Variants in ABCC2 observed in about 807,000 individuals in gnomAD.
ABCC2 encodes ATP-binding cassette sub-family C member 2.
Under a neutral mutation model 173.4 loss-of-function variants are expected in ABCC2, and 157 were observed. That is an observed-to-expected ratio of 0.91 (90% confidence interval 0.80 to 1.03). The LOEUF is 1.03. ABCC2 is among the 50% of genes least tolerant of loss of function. The pLI, the probability that ABCC2 is intolerant of heterozygous loss-of-function variation, is 0.00. For synonymous variants in ABCC2, 657 were observed against 693.5 expected (o/e 0.95, Z 0.83); for missense variants, 1,822 against 1,852.3 (o/e 0.98, Z 0.30).
At position 99,845,678 on chromosome 10, in the gene ABCC2, T is replaced by C. The variant is rs2039005819; in HGVS notation, c.4042T>C (p.Phe1348Leu). ...AAAGTCATCCCTCACAAACTGCCTC[T>C]TCAGAATCTTAGAGGCTGCCGGTGG... Reference protein sequence around the residue: ...AGKSSLTNCLFRILEAAGGQI... With the variant: ...AGKSSLTNCLLRILEAAGGQI... Residue 1348 changes from phenylalanine (F) to leucine (L), a missense_variant, in exon 29 of 32, where the codon TTC (phenylalanine) becomes CTC (leucine). Physicochemically the swap from Phe to Leu is conservative, Grantham distance 22. Transcript: ENST00000647814. 2 of 1,614,040 alleles carry C rather than the reference T, an allele frequency of 1.2e-6. No homozygotes were observed. The highest frequency in any genetic ancestry group is 2.2e-5 in the South Asian group (2 of 91,054).
In ABCC2 at chr10:99,804,044, G is replaced by A; in HGVS notation, c.1235G>A (p.Arg412Lys). 6.2e-7 allele frequency: 1 copy of A among 1,614,154 alleles called. No homozygotes were observed. ...GCATTGACCCTATCCAACTTGGCCA[G>A]GAAGGAGTACACCGTTGGAGAAACA... The part of the protein sequence containing the change: ...KKALTLSNLA[R>K]KEYTVGETVN... The change falls in exon 10 of 32, where the codon AGG becomes AAG. Residue 412 changes from arginine (R) to lysine (K), a missense_variant. Arg to Lys is a conservative substitution (Grantham distance 26, BLOSUM62 2). Transcript: ENST00000647814.
intron 16 of ABCC2, among the ~76,000 whole-genome samples, chr10:99,816,791 T>TTGTGAAC (rs1460723991): frequency 6.6e-6 from 1 of 152,116 alleles, no homozygotes; most frequent in Non-Finnish European, 1.5e-5. Context: ...ATGAACCCTA[T>TTGTGAAC]TGTGAACTGC....
intron 30 of ABCC2, 144 bp downstream of exon 30, chr10:99,847,271 G>T (rs1330687431): frequency 5.9e-6 from 6 of 1,017,592 alleles, no homozygotes; most frequent in Non-Finnish European, 8.9e-6. Flanking sequence ...CTGTTGTAAA[G>T]TTCACAAGAT....
chr10:99,794,548 A>T, intron 6 of ABCC2, 80 bp downstream of exon 6: 1 of 1,402,784 alleles, frequency 7.1e-7, no homozygotes, highest in Non-Finnish European at 9.9e-7. Context: ...TTTTTATTTT[A>T]TTATTTTTTT....
chr10:99,848,359 T>C (rs2039046907), intron 30 of ABCC2, among the ~76,000 whole-genome samples: 1 of 152,284 alleles, frequency 6.6e-6, no homozygotes, highest in Non-Finnish European at 1.5e-5. Context: ...TAAGTTGATC[T>C]GGCATTTTTC....
intron 15 of ABCC2, among the ~76,000 whole-genome samples, chr10:99,812,276 C>T (rs2038229613): frequency 6.6e-6 from 1 of 152,204 alleles, no homozygotes; most frequent in South Asian, 2.1e-4. Flanking sequence ...CCTTCCTAAC[C>T]CAGCAGTTTC....
rs1245171929 is a variant in ABCC2, at chr10:99,818,817, C to G, written c.2299C>G (p.Gln767Glu). 1 of 1,614,126 alleles carries G rather than the reference C, an allele frequency of 6.2e-7. No individual in the cohort carries two copies. Among genetic ancestry groups the G allele is most frequent in the South Asian group, 1.1e-5 (1 of 91,080 alleles). The change falls in exon 18 of 32, where the codon CAG becomes GAG. Residue 767 changes from glutamine to glutamate, a missense_variant. Gln to Glu is a conservative substitution (Grantham distance 29). Coordinates refer to ENST00000647814, the MANE Select transcript of ABCC2 (RefSeq NM_000392.5). The part of the protein sequence containing the change: ...KGINLSGGQK[Q>E]RISLARATYQ... ...TATAAATCTTAGTGGGGGTCAGAAGCAGCGGATCAGCCTGGCCAGAGCTAC... is the reference window on the plus strand; with the variant it reads ...TATAAATCTTAGTGGGGGTCAGAAGGAGCGGATCAGCCTGGCCAGAGCTAC...
intron 19 of ABCC2, among the ~76,000 whole-genome samples, chr10:99,826,304 A>C (rs572387357): frequency 6.6e-6 from 1 of 152,140 alleles, no homozygotes; most frequent in Non-Finnish European, 1.5e-5. Context: ...CTGAGATTAC[A>C]TCTGATCCTG....
chr10:99,814,285 A>G (rs1396822807), intron 16 of ABCC2, among the ~76,000 whole-genome samples: 2 of 77,890 alleles, frequency 2.6e-5, no homozygotes, highest in Non-Finnish European at 5.3e-5. Context: ...ACGTATGTAT[A>G]CACACACGTA....
At position 99,782,694 on chromosome 10, in the gene ABCC2, A is replaced by G. The variant is rs180822041; in HGVS notation, c.-151A>G. On this transcript the variant is annotated 5_prime_UTR_variant, in exon 1 of 32. Transcript: ENST00000647814. ...AACATGCATCTAGGCAAGGTTAACG[A>G]TTAAATGGTTGGGATGAAAGGTCAT... 9 of 905,700 alleles carry G rather than the reference A, an allele frequency of 9.9e-6. No individual in the cohort carries two copies. The East Asian group carries it at 2.3e-4, about 24-fold the overall frequency. The allele number at this position is 905,700 out of a possible 1,614,324, so 56.1% of individuals were successfully genotyped here.
intron 29 of ABCC2, among the ~76,000 whole-genome samples, chr10:99,846,542 A>C (rs568851887): frequency 6.6e-6 from 1 of 152,278 alleles, no homozygotes; most frequent in African/African-American, 2.4e-5. Flanking sequence ...GTTCAAGATC[A>C]GCCTAGGCAA....
intron 11 of ABCC2, among the ~76,000 whole-genome samples, chr10:99,806,077 C>G (rs75137340): frequency 0.022 from 3,303 of 148,108 alleles, 49 homozygotes; most frequent in Non-Finnish European, 0.035. Context: ...CTCTCTCTGT[C>G]TGTGTGTGTG....
At chr10:99,818,476 G>A (rs953885432) in intron 17 of ABCC2, among the ~76,000 whole-genome samples, 1 of 152,054 alleles carries the variant, frequency 6.6e-6, no homozygotes, top group Non-Finnish European at 1.5e-5. Context: ...GTGCCAAACA[G>A]TGTTTTAAGT....
At position 99,830,511 on chromosome 10, in the gene ABCC2, T is replaced by G. The variant is rs2038720373; in HGVS notation, c.2747+78T>G. 3.7e-6 allele frequency: 6 copies of G among 1,605,398 alleles called. No homozygotes were observed. The African/African-American group carries it at 5.3e-5, about 14-fold the overall frequency. ...TCTTTTTCTTTTTCTTCCTGGGCTT[T>G]TCCTGTGAGGGTTAACACCATGGAC... is the stretch of plus-strand genomic sequence containing the variant. On this transcript the variant is annotated intron_variant, in intron 20 of 31. Coordinates refer to ENST00000647814, the MANE Select transcript of ABCC2 (RefSeq NM_000392.5).
At chr10:99,845,062 C>G (rs1163289511) in intron 28 of ABCC2, among the ~76,000 whole-genome samples, 1 of 152,076 alleles carries the variant, frequency 6.6e-6, no homozygotes, top group Non-Finnish European at 1.5e-5. Flanking sequence ...TGGAGTCTCA[C>G]TCTATCACCC....
intron 16 of ABCC2, among the ~76,000 whole-genome samples, chr10:99,814,751 A>G (rs1468009867): frequency 1.1e-4 from 16 of 139,968 alleles, no homozygotes; most frequent in African/African-American, 4.1e-4. Flanking sequence ...ATATGTATGT[A>G]TATACACACA....
At position 99,814,204 on chromosome 10, in the gene ABCC2, T is replaced by TAC. The variant is rs1191032379; in HGVS notation, c.2094+1066_2094+1067dup. 2.6e-4 allele frequency among the ~76,000 whole-genome samples: 19 copies of TAC among 73,468 alleles called. 5 individuals carry two copies. The highest frequency in any genetic ancestry group is 2.1e-4 in the African/African-American group (4 of 19,092). The allele number at this position is 73,468 out of a possible 152,430, so 48.2% of individuals were successfully genotyped here. Reference sequence around the variant, plus strand: ...GTATGTATACACACATGTGTATATATACACACATGTGTATATATACACACA... The same window carrying TAC: ...GTATGTATACACACATGTGTATATATACACACACATGTGTATATATACACACA... On this transcript the variant is annotated intron_variant, in intron 16 of 31. Transcript: ENST00000647814.
At position 99,831,752 on chromosome 10, in the gene ABCC2, A is replaced by G. The variant is rs774137965; in HGVS notation, c.3025A>G (p.Ile1009Val). The change falls in exon 22 of 32, where the codon ATC (isoleucine) becomes GTC (valine). Residue 1009 changes from isoleucine (I) to valine (V), a missense_variant. Coordinates refer to ENST00000647814, the MANE Select transcript of ABCC2 (RefSeq NM_000392.5). ...WLSAWTSDSK[I>V]FNSTDYPASQ... ...CAGTGCTTGGACCAGTGACTCTAAA[A>G]TCTTCAATAGCACCGACTATCCAGC... The G allele has an allele frequency of 1.6e-5, 26 of 1,614,048 alleles. No homozygotes were observed. In the East Asian group the frequency reaches 5.8e-4, roughly 36 times the overall value.
chr10:99,800,132 C>T (rs994229691), intron 8 of ABCC2, among the ~76,000 whole-genome samples: 1 of 152,126 alleles, frequency 6.6e-6, no homozygotes, highest in Non-Finnish European at 1.5e-5. Context: ...CCCAGGAGTT[C>T]GAGGCTTAAT....
Sources: gnomAD v4.1 joint callset for allele counts (sites outside exome capture counted in the v4.1 genomes callset) on GRCh38, gnomAD v4.1.1 for gene constraint, MANE v1.5 for transcripts, NCBI Gene and HGNC (gene_info 2026-07-23, HGNC 2026-07-21) for gene names.